Variants in PTPRD observed in about 807,000 individuals in gnomAD.
PTPRD encodes receptor-type tyrosine-protein phosphatase delta.
PTPRD carries 34 observed loss-of-function variants against 214.5 expected under a neutral mutation model. The observed-to-expected ratio is 0.16, with a 90% CI of 0.12 to 0.21. PTPRD has a LOEUF of 0.21. Among genes scored for constraint, PTPRD ranks in the 10% least tolerant of loss-of-function variants. The pLI is 1.00. For missense variants in PTPRD, 2,545 were observed against 2,398.7 expected, an observed-to-expected ratio of 1.06 and a Z score of -1.27; for synonymous variants, 1,128 against 845.7, an observed-to-expected ratio of 1.33 and a Z score of -5.79.
At chr9:9,484,236 C>T (rs867980) in intron 8 of PTPRD, among the ~76,000 whole-genome samples, 26,051 of 151,718 alleles carry the variant, frequency 0.17, 2,320 homozygotes, top group Non-Finnish European at 0.21. Flanking sequence ...ATGAAACCTT[C>T]TGGTCATGTA....
intron 3 of PTPRD, among the ~76,000 whole-genome samples, chr9:10,092,002 G>T (rs1193146468): frequency 6.6e-6 from 1 of 151,296 alleles, no homozygotes; most frequent in Non-Finnish European, 1.5e-5. Flanking sequence ...TAATGAGATT[G>T]TACATTTTGG....
chr9:8,770,972 G>C (rs192700680), intron 11 of PTPRD, among the ~76,000 whole-genome samples: 320 of 152,158 alleles, frequency 2.1e-3, no homozygotes, highest in African/African-American at 7.2e-3. Flanking sequence ...AAGGTCAGGA[G>C]ATTGAGAACA....
chr9:8,599,060 A>T (rs10815920), intron 14 of PTPRD, among the ~76,000 whole-genome samples: 25,828 of 152,116 alleles, frequency 0.17, 2,593 homozygotes, highest in African/African-American at 0.28. Context: ...AACTGAATCA[A>T]GTGGGCAGGT....
rs186577585 is a variant in PTPRD at position 9,959,730 on chromosome 9, C to T, written c.-471-21120G>A. ...TTCCACAGGGTACAGGTTAACAATT[C>T]TGATACTGCTACATGAATGTATTGG... On this transcript the variant is annotated intron_variant, in intron 4 of 45. Transcript: ENST00000381196. Among the ~76,000 whole-genome samples the T allele has an allele frequency of 4.6e-5, 7 of 152,204 alleles. No individual in the cohort carries two copies. The East Asian group carries it at 1.4e-3, about 29-fold the overall frequency.
intron 6 of PTPRD, among the ~76,000 whole-genome samples, chr9:9,745,526 T>G (rs1313138678): frequency 6.6e-6 from 1 of 152,128 alleles, no homozygotes; most frequent in Non-Finnish European, 1.5e-5. Context: ...GGCAAATGAA[T>G]GTTCCCTTCA....
chr9:9,619,723 T>C (rs1382025343), intron 7 of PTPRD, among the ~76,000 whole-genome samples: 1 of 145,866 alleles, frequency 6.9e-6, no homozygotes, highest in Admixed American at 6.9e-5. Context: ...TTATATATAA[T>C]CGTGTATTTA....
intron 34 of PTPRD, 43 bp downstream of exon 34, chr9:8,449,682 C>G: frequency 1.3e-6 from 2 of 1,570,736 alleles, no homozygotes; most frequent in South Asian, 2.2e-5. Flanking sequence ...TGTACAACTT[C>G]TGGGAAAGAC....
chr9:10,084,381 G>A (rs191142342), intron 3 of PTPRD, among the ~76,000 whole-genome samples: 1 of 151,996 alleles, frequency 6.6e-6, no homozygotes, highest in East Asian at 1.9e-4. Context: ...CTGTTAAATT[G>A]TGAGAAGAAC....
intron 10 of PTPRD, among the ~76,000 whole-genome samples, chr9:9,111,870 C>G (rs2099806573): frequency 6.6e-6 from 1 of 151,956 alleles, no homozygotes; most frequent in Non-Finnish European, 1.5e-5. Context: ...CTGCATGATA[C>G]AAAACAAAAC....
At chr9:8,844,410 T>G (rs1566554052) in intron 11 of PTPRD, among the ~76,000 whole-genome samples, 1 of 152,228 alleles carries the variant, frequency 6.6e-6, no homozygotes, top group East Asian at 1.9e-4. Flanking sequence ...ACATTTACAT[T>G]CCTTTTACTA....
At chr9:9,998,750 T>C (rs1342275291) in intron 4 of PTPRD, among the ~76,000 whole-genome samples, 2 of 152,098 alleles carry the variant, frequency 1.3e-5, no homozygotes, top group African/African-American at 4.8e-5. Flanking sequence ...AAGTGCTCAA[T>C]TAGCTGAGCT....
At chr9:8,412,641 A>G (rs1390078839) in intron 35 of PTPRD, among the ~76,000 whole-genome samples, 2 of 152,176 alleles carry the variant, frequency 1.3e-5, no homozygotes, top group Non-Finnish European at 2.9e-5. Context: ...TGTGACTTGT[A>G]TAAGAACATC....
intron 3 of PTPRD, among the ~76,000 whole-genome samples, chr9:10,226,691 C>T (rs529680949): frequency 1.1e-3 from 162 of 152,136 alleles, no homozygotes; most frequent in African/African-American, 3.6e-3. Context: ...GAAGCTAGCC[C>T]TTTTCCCATT....
chr9:8,751,657 G>A (rs1156240325), intron 11 of PTPRD, among the ~76,000 whole-genome samples: 2 of 152,112 alleles, frequency 1.3e-5, no homozygotes, highest in Non-Finnish European at 2.9e-5. Context: ...TTCAGTCTTA[G>A]TTATCTTTTA....
intron 7 of PTPRD, among the ~76,000 whole-genome samples, chr9:9,622,790 A>G (rs2095290347): frequency 6.6e-6 from 1 of 152,230 alleles, no homozygotes. Context: ...AGGGATAAAC[A>G]CTGCTCAGGA....
chr9:8,359,065 A>G (rs7847942), intron 39 of PTPRD, among the ~76,000 whole-genome samples: 117,744 of 124,766 alleles, frequency 0.94, 55,577 homozygotes, highest in East Asian at 0.99. Flanking sequence ...CCGAGATTGC[A>G]CCACTGCACT....
At chr9:9,406,018 A>G (rs948687325) in intron 8 of PTPRD, among the ~76,000 whole-genome samples, 8 of 152,078 alleles carry the variant, frequency 5.3e-5, no homozygotes, top group Middle Eastern at 3.4e-3. Flanking sequence ...TTAAAAATGT[A>G]TTATTTGGAT....
chr9:9,829,920 A>C (rs2054253655), intron 5 of PTPRD, among the ~76,000 whole-genome samples: 1 of 151,784 alleles, frequency 6.6e-6, no homozygotes, highest in Admixed American at 6.6e-5. Context: ...CATAGAACTC[A>C]TATTCATTTA....
intron 11 of PTPRD, among the ~76,000 whole-genome samples, chr9:8,822,469 C>A (rs1445637615): frequency 6.6e-6 from 1 of 152,122 alleles, no homozygotes; most frequent in African/African-American, 2.4e-5. Flanking sequence ...GGAAATTCTC[C>A]CAGAGAGAGT....
Sources: gnomAD v4.1 joint callset for allele counts (sites outside exome capture counted in the v4.1 genomes callset) on GRCh38, gnomAD v4.1.1 for gene constraint, MANE v1.5 for transcripts, NCBI Gene and HGNC (gene_info 2026-07-23, HGNC 2026-07-21) for gene names.